Variants in FSTL5 observed in about 807,000 individuals in gnomAD.
The protein encoded by FSTL5 is follistatin-related protein 5.
In FSTL5, 62 loss-of-function variants were observed where a neutral mutation model predicts 89.1. The ratio of observed to expected loss-of-function variants is 0.70; its 90% CI spans 0.57 to 0.86. The LOEUF (loss-of-function observed/expected upper bound fraction) is 0.86. Ranked by LOEUF, FSTL5 falls within the 40% of genes least tolerant of loss-of-function variation. The pLI is 0.00. For missense variants in FSTL5, 1,057 were observed against 1,001.6 expected (o/e 1.06, Z -0.75); for synonymous variants, 383 against 346.2 (o/e 1.11, Z -1.18).
chr4:161,565,481 A>T (rs990701955), intron 8 of FSTL5, among the ~76,000 whole-genome samples: 4 of 151,826 alleles, frequency 2.6e-5, no homozygotes, highest in African/African-American at 9.7e-5. Context: ...ATATATAATT[A>T]TTTATCTTAC....
chr4:162,154,559 T>C (rs982923315), intron 1 of FSTL5, among the ~76,000 whole-genome samples: 21 of 152,176 alleles, frequency 1.4e-4, no homozygotes, highest in Admixed American at 6.5e-5. Flanking sequence ...AAATAGTCCA[T>C]GTTGCATGCA....
At chr4:161,399,374 A>T (rs1731105222) in intron 15 of FSTL5, among the ~76,000 whole-genome samples, 2 of 152,150 alleles carry the variant, frequency 1.3e-5, no homozygotes. Context: ...TCTTACAATA[A>T]AGTAAGCTAG....
intron 7 of FSTL5, among the ~76,000 whole-genome samples, chr4:161,617,534 T>C (rs542000676): frequency 1.1e-3 from 174 of 152,108 alleles, no homozygotes; most frequent in African/African-American, 3.6e-3. Flanking sequence ...AAATTGAAAC[T>C]GGACAAACAG....
At chr4:161,680,021 T>A (rs920860182) in intron 6 of FSTL5, among the ~76,000 whole-genome samples, 2 of 151,852 alleles carry the variant, frequency 1.3e-5, no homozygotes, top group African/African-American at 4.8e-5. Flanking sequence ...TTAATTGTAT[T>A]CTTCCAGTTA....
intron 4 of FSTL5, among the ~76,000 whole-genome samples, chr4:161,823,669 G>A (rs1017938657): frequency 6.6e-6 from 1 of 152,170 alleles, no homozygotes; most frequent in Non-Finnish European, 1.5e-5. Context: ...TTCCTGCCCT[G>A]CAAACTTGGT....
chr4:161,931,711 G>A (rs1337397230), intron 3 of FSTL5, among the ~76,000 whole-genome samples: 1 of 151,924 alleles, frequency 6.6e-6, no homozygotes, highest in African/African-American at 2.4e-5. Flanking sequence ...CCAGATTTGA[G>A]CCTTAAAGTC....
At chr4:161,807,464 G>C (rs1394186940) in intron 4 of FSTL5, among the ~76,000 whole-genome samples, 1 of 152,046 alleles carries the variant, frequency 6.6e-6, no homozygotes, top group Non-Finnish European at 1.5e-5. Context: ...TCAAGTTGTG[G>C]CTGAAATTAT....
chr4:161,781,345 A>G (rs894452273), intron 4 of FSTL5, among the ~76,000 whole-genome samples: 1 of 152,078 alleles, frequency 6.6e-6, no homozygotes, highest in East Asian at 1.9e-4. Flanking sequence ...AAAAAAATTT[A>G]AATCTAAACT....
intron 6 of FSTL5, among the ~76,000 whole-genome samples, chr4:161,739,462 CA>C (rs1579059317): frequency 6.6e-6 from 1 of 152,278 alleles, no homozygotes; most frequent in Non-Finnish European, 1.5e-5. Flanking sequence ...TGTTATGGTA[CA>C]ACCCTAGCAA....
intron 7 of FSTL5, among the ~76,000 whole-genome samples, chr4:161,651,237 AGT>A (rs1451810266): frequency 6.6e-6 from 1 of 151,894 alleles, no homozygotes; most frequent in Non-Finnish European, 1.5e-5. Context: ...CATCCAGCTG[AGT>A]GAATATAATG....
intron 10 of FSTL5, among the ~76,000 whole-genome samples, chr4:161,533,368 C>T (rs1731490041): frequency 6.6e-6 from 1 of 151,814 alleles, no homozygotes; most frequent in African/African-American, 2.4e-5. Flanking sequence ...CAAGTGAGTT[C>T]AATCAGAAAT....
chr4:161,586,219 G>A (rs1020106565), intron 8 of FSTL5, among the ~76,000 whole-genome samples: 1 of 152,182 alleles, frequency 6.6e-6, no homozygotes, highest in Admixed American at 6.5e-5. Context: ...ACCTAATTAA[G>A]CTCAGATTTA....
intron 7 of FSTL5, among the ~76,000 whole-genome samples, chr4:161,617,297 T>A (rs1356835626): frequency 6.6e-6 from 1 of 151,994 alleles, no homozygotes; most frequent in Non-Finnish European, 1.5e-5. Flanking sequence ...TCAGTAAACA[T>A]CAAGGTAGAC....
chr4:161,783,677 C>CTTTCTT (rs1553965640), intron 4 of FSTL5, among the ~76,000 whole-genome samples: 3 of 8,184 alleles, frequency 3.7e-4, no homozygotes, highest in African/African-American at 3.2e-4. Flanking sequence ...TTCTTTCTTT[C>CTTTCTT]TCTTTCTTTC....
chr4:161,478,680 T>G (rs1729387305), intron 13 of FSTL5, among the ~76,000 whole-genome samples: 1 of 151,966 alleles, frequency 6.6e-6, no homozygotes. Context: ...AGGCAGAATA[T>G]CTTCTTGTTC....
intron 6 of FSTL5, among the ~76,000 whole-genome samples, chr4:161,659,344 T>C (rs1052513277): frequency 6.6e-6 from 1 of 152,168 alleles, no homozygotes; most frequent in Admixed American, 6.6e-5. Flanking sequence ...ACCAAGCCAA[T>C]TATGTTCACT....
intron 15 of FSTL5, chr4:161,388,050 G>A (rs1019725837): frequency 1.3e-5 from 2 of 152,044 alleles, no homozygotes; most frequent in Non-Finnish European, 2.9e-5. Context: ...AAGTGAAACA[G>A]GGCTAGTGAA....
intron 6 of FSTL5, among the ~76,000 whole-genome samples, chr4:161,699,717 C>T (rs552913683): frequency 2.6e-5 from 4 of 152,268 alleles, no homozygotes; most frequent in African/African-American, 9.6e-5. Flanking sequence ...TTATTCACCC[C>T]AGACTACGTA....
chr4:161,896,261 A>T (rs1185242915), intron 4 of FSTL5, among the ~76,000 whole-genome samples: 1 of 152,198 alleles, frequency 6.6e-6, no homozygotes, highest in Non-Finnish European at 1.5e-5. Context: ...TGCATGTTAA[A>T]TGAAACACAT....
Sources: allele counts gnomAD v4.1 joint callset (sites outside exome capture counted in the v4.1 genomes callset), GRCh38; gene constraint gnomAD v4.1.1; transcripts MANE v1.5; gene names NCBI Gene and HGNC (gene_info 2026-07-23, HGNC 2026-07-21).